The following PHEX variants were observed in gnomAD, a reference collection of about 807,000 sequenced individuals.
The protein encoded by PHEX is phosphate-regulating neutral endopeptidase PHEX.
A neutral mutation model predicts 68.0 loss-of-function variants in PHEX; 16 were observed. The observed-to-expected ratio is 0.24, with a 90% CI of 0.16 to 0.36. The LOEUF (loss-of-function observed/expected upper bound fraction) is 0.36. PHEX is among the 10% of genes least tolerant of loss of function. PHEX has a pLI of 1.00. For synonymous variants in PHEX, 208 were observed against 205.1 expected (o/e 1.01, Z -0.12); for missense variants, 480 against 575.5 (o/e 0.83, Z 1.70).
chrX:22,192,367 C>A (rs1423268403), intron 15 of PHEX, among the ~76,000 whole-genome samples: 1 of 111,729 alleles, frequency 9.0e-6, no homozygotes, highest in Non-Finnish European at 1.9e-5. Flanking sequence ...GTTCTTACCC[C>A]CCTTCAGTCT....
At chrX:22,054,639 C>G (rs1434217878) in intron 3 of PHEX, among the ~76,000 whole-genome samples, 1 of 111,440 alleles carries the variant, frequency 9.0e-6, no homozygotes, top group African/African-American at 3.3e-5. Flanking sequence ...CATGCTGGCT[C>G]TTTTTCACGT....
At chrX:22,174,912 A>G (rs1415240061) in intron 13 of PHEX, among the ~76,000 whole-genome samples, 1 of 111,965 alleles carries the variant, frequency 8.9e-6, no homozygotes, top group Non-Finnish European at 1.9e-5. Context: ...TCCTTGAATC[A>G]CTGGTTCTCT....
chrX:22,190,855 C>T (rs1478377684), intron 15 of PHEX, among the ~76,000 whole-genome samples: 1 of 111,296 alleles, frequency 9.0e-6, no homozygotes, highest in Admixed American at 9.6e-5. Flanking sequence ...GTGGGGAAAA[C>T]AGCAGGTAAC....
At chrX:22,071,024 C>T (rs1556019175) in intron 3 of PHEX, among the ~76,000 whole-genome samples, 1 of 111,943 alleles carries the variant, frequency 8.9e-6, no homozygotes, top group Admixed American at 9.5e-5. Context: ...CTTGACTAAG[C>T]ATGGTACTGT....
intron 20 of PHEX, among the ~76,000 whole-genome samples, chrX:22,239,611 C>T (rs373252184): frequency 6.4e-5 from 7 of 109,729 alleles, no homozygotes; most frequent in South Asian, 7.9e-4. Flanking sequence ...TATCAATAGC[C>T]GAACTGATCA....
intron 11 of PHEX, among the ~76,000 whole-genome samples, chrX:22,132,041 G>A (rs147714578): frequency 1.5e-3 from 167 of 111,973 alleles, no homozygotes; most frequent in South Asian, 0.014. Context: ...AATGCTTTGC[G>A]ATAGGTCTTT....
chrX:22,042,490 G>T (rs1160930227), intron 2 of PHEX, among the ~76,000 whole-genome samples: 1 of 112,229 alleles, frequency 8.9e-6, no homozygotes, highest in Non-Finnish European at 1.9e-5. Context: ...GAGAATAAAA[G>T]AAAATAATAA....
chrX:22,050,332 C>T (rs1182327954), intron 3 of PHEX, among the ~76,000 whole-genome samples: 1 of 111,624 alleles, frequency 9.0e-6, no homozygotes, highest in East Asian at 2.8e-4. Context: ...AATCCCAGCA[C>T]TTTGGAAGAA....
chrX:22,042,022 T>G (rs1426262592), intron 2 of PHEX, among the ~76,000 whole-genome samples: 2 of 111,597 alleles, frequency 1.8e-5, no homozygotes, highest in Non-Finnish European at 3.8e-5. Flanking sequence ...TTCTCTTTAG[T>G]GTAACGTGAG....
In PHEX at chrX:22,083,136, A is replaced by G. The variant is rs1168528989; in HGVS notation, c.663+5434A>G. Among the ~76,000 whole-genome samples, 10 of 112,342 alleles carry G rather than the reference A, an allele frequency of 8.9e-5. 1 individual carries two copies. Among genetic ancestry groups the G allele is most frequent in the African/African-American group, 2.9e-4 (9 of 30,912 alleles). On this transcript the variant is annotated intron_variant, in intron 5 of 21. Coordinates refer to ENST00000379374, the MANE Select transcript of PHEX (RefSeq NM_000444.6). Reference sequence around the variant, plus strand: ...CTGGGATAACTGGCTAGCCATATGCAGAAGATTGAAACTGGACCCATCCCT... The same window carrying G: ...CTGGGATAACTGGCTAGCCATATGCGGAAGATTGAAACTGGACCCATCCCT...
intron 11 of PHEX, among the ~76,000 whole-genome samples, chrX:22,129,446 A>G (rs906485192): frequency 9.0e-6 from 1 of 111,607 alleles, no homozygotes; most frequent in Non-Finnish European, 1.9e-5. Flanking sequence ...AATTTTTTAG[A>G]TAAACCTCCC....
chrX:22,150,715 G>A (rs1932841750), intron 12 of PHEX, among the ~76,000 whole-genome samples: 1 of 112,189 alleles, frequency 8.9e-6, no homozygotes, highest in Non-Finnish European at 1.9e-5. Flanking sequence ...CTTCTTCCCT[G>A]TTTTGTTGGG....
intron 14 of PHEX, among the ~76,000 whole-genome samples, chrX:22,183,338 T>C (rs149173835): frequency 0.22 from 23,779 of 110,552 alleles, 2,095 homozygotes; most frequent in Non-Finnish European, 0.27. Flanking sequence ...GAAAAATTCA[T>C]TGGAGGTTAC....
At chrX:22,144,514 A>G (rs753963652) in intron 12 of PHEX, among the ~76,000 whole-genome samples, 27 of 111,184 alleles carry the variant, frequency 2.4e-4, no homozygotes, top group African/African-American at 8.5e-4. Flanking sequence ...ACTTGTTTTT[A>G]TGCTTGAGAA....
At chrX:22,212,673 G>C (rs1934966863) in intron 15 of PHEX, among the ~76,000 whole-genome samples, 1 of 111,508 alleles carries the variant, frequency 9.0e-6, no homozygotes, top group Non-Finnish European at 1.9e-5. Flanking sequence ...GCTGGATATT[G>C]CCAATAGTGT....
chrX:22,245,024 A>G (rs934251075), intron 20 of PHEX, among the ~76,000 whole-genome samples: 3 of 112,006 alleles, frequency 2.7e-5, no homozygotes, highest in African/African-American at 9.7e-5. Context: ...TATTTCAAAC[A>G]TTAAATTCAT....
At position 22,047,122 on chromosome X, in the gene PHEX, G is replaced by A; in HGVS notation, c.260G>A (p.Gly87Asp). The change falls in exon 3 of 22, where the codon GGC becomes GAC. Residue 87 changes from glycine to aspartate, a missense_variant. Physicochemically the swap from Gly to Asp is moderately conservative, Grantham distance 94 (BLOSUM62 -1). Coordinates refer to ENST00000379374, the MANE Select transcript of PHEX (RefSeq NM_000444.6). ...AATTTCTTCCGGTTCGCTTGTGATG[G>A]CTGGATAAGCAATAATCCAATTCCC... The part of the protein sequence containing the change: ...CDNFFRFACD[G>D]WISNNPIPED... 4 of 1,203,931 alleles carry A rather than the reference G, an allele frequency of 3.3e-6. No individual in the cohort carries two copies. Among genetic ancestry groups the A allele is most frequent in the Non-Finnish European group, 4.5e-6 (4 of 888,524 alleles).
chrX:22,244,230 C>A (rs1283414583), intron 20 of PHEX, among the ~76,000 whole-genome samples: 5 of 110,592 alleles, frequency 4.5e-5, no homozygotes, highest in African/African-American at 1.7e-4. Context: ...GGGAGTTGAA[C>A]AATGAGAACA....
Position 22,168,408 on chromosome X carries a change from G to C in PHEX, c.1482+19G>C. On this transcript the variant is annotated intron_variant, in intron 13 of 21. Coordinates refer to ENST00000379374, the MANE Select transcript of PHEX (RefSeq NM_000444.6). ...CAAAGCTGTAAGTGCTAAATTTACT[G>C]TACTTTTTTTTTTCTGGCAAGTTTT... 1.9e-6 allele frequency: 2 copies of C among 1,070,601 alleles called. No homozygotes were observed. The highest frequency in any genetic ancestry group is 2.6e-6 in the Non-Finnish European group (2 of 767,749). The allele number at this position is 1,070,601 out of a possible 1,213,427, so 88.2% of individuals were successfully genotyped here.
Sources: gnomAD v4.1 joint callset for allele counts (sites outside exome capture counted in the v4.1 genomes callset) on GRCh38, gnomAD v4.1.1 for gene constraint, MANE v1.5 for transcripts, NCBI Gene and HGNC (gene_info 2026-07-23, HGNC 2026-07-21) for gene names.